TSC22D4: variants seen among roughly 807,000 people sequenced by gnomAD.
TSC22D4 encodes the protein TSC22 domain family protein 4.
TSC22D4 carries 5 observed loss-of-function variants against 24.9 expected under a neutral mutation model. The observed-to-expected ratio is 0.20, with a 90% CI of 0.10 to 0.42. The LOEUF (loss-of-function observed/expected upper bound fraction) is 0.42. Among genes scored for constraint, TSC22D4 ranks in the 10% least tolerant of loss-of-function variants. TSC22D4 has a pLI of 1.00. For synonymous variants in TSC22D4, 245 were observed against 243.2 expected, an observed-to-expected ratio of 1.01 and a Z score of -0.07; for missense variants, 469 against 547.9, an observed-to-expected ratio of 0.86 and a Z score of 1.44.
chr7:100,477,202 G>GGGA lies in TSC22D4; in HGVS notation c.762+72_762+74dup. 1 of 1,181,452 alleles carries GGGA rather than the reference G, an allele frequency of 8.5e-7. No homozygotes were observed. The highest frequency in any genetic ancestry group is 2.4e-4 in the Middle Eastern group (1 of 4,108). 73.2% of individuals were successfully genotyped at this position (1,181,452 alleles called of 1,614,324 possible). On this transcript the variant is annotated intron_variant, in intron 2 of 4. Transcript: ENST00000300181. The surrounding 1 kb of genome is among the most constrained non-coding windows in gnomAD (Gnocchi z 7.8). Reference sequence around the variant, plus strand: ...GATGGAGAAGGAGGAGGAGAGGGGGGGGAGGAGGAGGAAGGAGGCTCAAGA... The same window carrying GGGA: ...GATGGAGAAGGAGGAGGAGAGGGGGGGGAGGAGGAGGAGGAAGGAGGCTCAAGA...
At chr7:100,473,303 T>C (rs190784641) in intron 3 of TSC22D4, among the ~76,000 whole-genome samples, 56 of 152,224 alleles carry the variant, frequency 3.7e-4, no homozygotes, top group African/African-American at 1.3e-3. Flanking sequence ...TCTAGAAATC[T>C]TAGGATCCTA....
At position 100,466,861 on chromosome 7, in the gene TSC22D4, C is replaced by T. The variant is rs968165818; in HGVS notation, c.*98G>A. 7.2e-6 allele frequency: 9 copies of T among 1,248,100 alleles called. No individual in the cohort carries two copies. The highest frequency in any genetic ancestry group is 5.7e-4 in the Middle Eastern group (2 of 3,518). 77.3% of individuals were successfully genotyped at this position (1,248,100 alleles called of 1,614,324 possible). The stretch of plus-strand genomic sequence containing the variant: ...CATTACTGAGCCTTGAACTCCCACC[C>T]CGGGGACACGGGGACATTAAAGCTG... On this transcript the variant is annotated 3_prime_UTR_variant, in exon 5 of 5. Coordinates refer to ENST00000300181, the MANE Select transcript of TSC22D4 (RefSeq NM_030935.5).
rs1584354204 is a variant in TSC22D4, at chr7:100,478,222, A to G, written c.-184T>C. The G allele has an allele frequency of 8.8e-6, 1 of 113,640 alleles. No homozygotes were observed. Among genetic ancestry groups the G allele is most frequent in the Non-Finnish European group, 1.7e-5 (1 of 60,312 alleles). 7.0% of individuals were successfully genotyped at this position (113,640 alleles called of 1,614,324 possible). A position where few individuals can be genotyped will look rare whatever the true frequency, so the allele number is the denominator to read the frequency against. On this transcript the variant is annotated 5_prime_UTR_variant, in exon 2 of 5. Coordinates refer to ENST00000300181, the MANE Select transcript of TSC22D4 (RefSeq NM_030935.5). ...GGTGCCTGCTGGGTGAGGGGAGAAG[A>G]GGAGAGGGGAGGTGGCGGGAGGGGG... is the stretch of plus-strand genomic sequence containing the variant.
chr7:100,470,803 A>C (rs1036295182), intron 3 of TSC22D4, among the ~76,000 whole-genome samples: 1 of 152,182 alleles, frequency 6.6e-6, no homozygotes, highest in Non-Finnish European at 1.5e-5. Context: ...ATGGATTAGA[A>C]AATGCCCCCT....
chr7:100,467,885 C>A, intron 3 of TSC22D4: 1 of 622,520 alleles, frequency 1.6e-6, no homozygotes, highest in South Asian at 1.5e-5. Context: ...GCCATCCCCA[C>A]CACTCGGGTC....
chr7:100,477,044 A>G lies in TSC22D4; in HGVS notation c.762+233T>C, dbSNP rs1799510009. Among the ~76,000 whole-genome samples, 1 of 152,148 alleles carries G rather than the reference A, an allele frequency of 6.6e-6. No individual in the cohort carries two copies. The highest frequency in any genetic ancestry group is 1.5e-5 in the Non-Finnish European group (1 of 68,010). ...GGCTACATGAAGACCAAGACAGAGA[A>G]TCAGAGGCCAGGGAGAAAGAGAGAG... On this transcript the variant is annotated intron_variant, in intron 2 of 4. Coordinates refer to ENST00000300181, the MANE Select transcript of TSC22D4 (RefSeq NM_030935.5). This position sits in a 1 kb window ranked among gnomAD's most constrained non-coding sequence, Gnocchi z 7.8.
At chr7:100,468,747 G>T (rs1380235181) in intron 3 of TSC22D4, among the ~76,000 whole-genome samples, 1 of 151,912 alleles carries the variant, frequency 6.6e-6, no homozygotes, top group African/African-American at 2.4e-5. Context: ...GACCAGCCTG[G>T]CCAACATGGA....
In TSC22D4 at chr7:100,477,313, C is replaced by G; in HGVS notation, c.726G>C (p.Leu242=). The G allele has an allele frequency of 1.3e-6, 2 of 1,524,178 alleles. No individual in the cohort carries two copies. Among genetic ancestry groups the G allele is most frequent in the Non-Finnish European group, 1.8e-6 (2 of 1,137,084 alleles). The allele number at this position is 1,524,178 out of a possible 1,614,324, so 94.4% of individuals were successfully genotyped here. ...CTTCTGGAGCACCCAACTCCATCCG[C>G]AGCCGCATGTCTACAGCTTTCCTCC... is the stretch of plus-strand genomic sequence containing the variant. ...LSRRKAVDMR[L]RMELGAPEEM... Residue 242 remains leucine, a synonymous_variant, in exon 2 of 5, where the codon CTG becomes CTC. Coordinates refer to ENST00000300181, the MANE Select transcript of TSC22D4 (RefSeq NM_030935.5). The surrounding 1 kb of genome is among the most constrained non-coding windows in gnomAD (Gnocchi z 7.8).
At chr7:100,472,262 G>A (rs1799406108) in intron 3 of TSC22D4, among the ~76,000 whole-genome samples, 1 of 152,112 alleles carries the variant, frequency 6.6e-6, no homozygotes, top group South Asian at 2.1e-4. Flanking sequence ...CATTCCTAGG[G>A]GGCAGGGGGT....
At chr7:100,468,268 C>T (rs771207322) in intron 3 of TSC22D4, among the ~76,000 whole-genome samples, 1 of 151,626 alleles carries the variant, frequency 6.6e-6, no homozygotes. Context: ...GGGGGCCGGC[C>T]GAGGAAGTCA....
chr7:100,467,748 T>C (rs1167551566), intron 3 of TSC22D4, 148 bp from the exon 4 acceptor site: 1 of 850,298 alleles, frequency 1.2e-6, no homozygotes, highest in Non-Finnish European at 2.0e-6. Context: ...CCCTGCGGGT[T>C]GAAGGCCGCT....
At chr7:100,473,605 C>T (rs1329057036) in intron 3 of TSC22D4, among the ~76,000 whole-genome samples, 1 of 151,850 alleles carries the variant, frequency 6.6e-6, no homozygotes, top group East Asian at 1.9e-4. Context: ...CCACGCCTGG[C>T]TAATTTTTGT....
chr7:100,467,695 C>A (rs577641323), intron 3 of TSC22D4, 95 bp from the exon 4 acceptor site: 29 of 1,218,146 alleles, frequency 2.4e-5, no homozygotes, highest in Middle Eastern at 3.8e-4. Context: ...CCCCCTGTAC[C>A]TGTGACAGTA....
At chr7:100,471,932 G>A (rs1338234233) in intron 3 of TSC22D4, among the ~76,000 whole-genome samples, 1 of 151,930 alleles carries the variant, frequency 6.6e-6, no homozygotes, top group Non-Finnish European at 1.5e-5. Context: ...TCTGTATAAT[G>A]CCTGGATCCC....
intron 2 of TSC22D4, among the ~76,000 whole-genome samples, chr7:100,475,284 A>G (rs1159062190): frequency 6.6e-6 from 1 of 152,050 alleles, no homozygotes; most frequent in Non-Finnish European, 1.5e-5. Context: ...ACAGGGTTTC[A>G]CCATGTTGGC....
At chr7:100,478,350 AGTGTGT>A (rs35439211) in intron 1 of TSC22D4, 43 bp from the exon 2 acceptor site, 3,578 of 83,538 alleles carry the variant, frequency 0.043, 164 homozygotes, top group Non-Finnish European at 0.049. Flanking sequence ...AGAGAGAGAG[AGTGTGT>A]GTGTGTGTGT....
intron 3 of TSC22D4, among the ~76,000 whole-genome samples, chr7:100,472,484 G>A (rs1353738948): frequency 1.3e-5 from 2 of 148,418 alleles, no homozygotes; most frequent in Non-Finnish European, 3.0e-5. Context: ...AATCCTCTAA[G>A]ACAGAGACAG....
intron 4 of TSC22D4, 83 bp from the exon 5 acceptor site, chr7:100,467,251 C>T (rs940297612): frequency 1.4e-6 from 2 of 1,395,620 alleles, no homozygotes; most frequent in Non-Finnish European, 2.0e-6. Context: ...GGGTGGGAGA[C>T]AGTCCCCAGT....
At position 100,467,126 on chromosome 7, in the gene TSC22D4, C is replaced by G. The variant is rs1217191530; in HGVS notation, c.1021G>C (p.Val341Leu). The G allele has an allele frequency of 6.2e-6, 10 of 1,614,062 alleles. No individual in the cohort carries two copies. The highest frequency in any genetic ancestry group is 8.5e-6 in the Non-Finnish European group (10 of 1,180,028). The stretch of plus-strand genomic sequence containing the variant: ...CGGATCTGCTCCTTCAGCACCTCCA[C>G]CTCCTCCCGGACCGCAAACATGAGG... Reference protein sequence around the residue: ...SHLMFAVREEVEVLKEQIREL... With the variant: ...SHLMFAVREELEVLKEQIREL... Residue 341 changes from valine to leucine, a missense_variant, in exon 5 of 5, where the codon GTG becomes CTG. By Grantham distance (32) the Val-to-Leu change is conservative (BLOSUM62 1). Coordinates refer to ENST00000300181, the MANE Select transcript of TSC22D4 (RefSeq NM_030935.5).
Sources: allele counts gnomAD v4.1 joint callset (sites outside exome capture counted in the v4.1 genomes callset), GRCh38; gene constraint gnomAD v4.1.1; non-coding constraint Gnocchi (gnomAD v3.1); transcripts MANE v1.5; gene names NCBI Gene and HGNC (gene_info 2026-07-23, HGNC 2026-07-21).